IGHMBP2: variants seen among roughly 807,000 people sequenced by gnomAD.
IGHMBP2 encodes the protein immunoglobulin mu DNA binding protein 2.
Under a neutral mutation model 96.0 loss-of-function variants are expected in IGHMBP2, and 81 were observed. The ratio of observed to expected loss-of-function variants is 0.84; its 90% CI spans 0.71 to 1.01. The LOEUF (loss-of-function observed/expected upper bound fraction) is 1.01. Ranked by LOEUF, IGHMBP2 falls within the 50% of genes least tolerant of loss-of-function variation. The pLI, the probability that IGHMBP2 is intolerant of heterozygous loss-of-function variation, is 0.00. For synonymous variants in IGHMBP2, 557 were observed against 548.9 expected (o/e 1.01, Z -0.21); for missense variants, 1,227 against 1,306.3 (o/e 0.94, Z 0.94).
rs770746972 is a variant in IGHMBP2, at chr11:68,906,151, A to G, written c.169A>G (p.Thr57Ala). ...LLKLQVSSQR[T>A]GLYGRLLVTF... ...GAAGCTGCAGGTATCCAGCCAGCGC[A>G]CTGGGCTGTACGGACGGCTGCTGGT... The change falls in exon 2 of 15, where the codon ACT (threonine) becomes GCT (alanine). Residue 57 changes from threonine (T) to alanine (A), a missense_variant. This residue lies in a region of IGHMBP2 where 507 missense variants were observed against 496.9 expected (regional missense o/e 1.02). Coordinates refer to ENST00000255078, the MANE Select transcript of IGHMBP2 (RefSeq NM_002180.3). 1 of 1,614,170 alleles carries G rather than the reference A, an allele frequency of 6.2e-7. No individual in the cohort carries two copies. The highest frequency in any genetic ancestry group is 1.7e-5 in the Admixed American group (1 of 60,014).
At chr11:68,922,387 G>A (rs1215316004) in intron 7 of IGHMBP2, among the ~76,000 whole-genome samples, 2 of 151,920 alleles carry the variant, frequency 1.3e-5, no homozygotes, top group Admixed American at 1.3e-4. Context: ...GATTTGCCCT[G>A]GTGCTATTTG....
At chr11:68,910,737 G>T (rs1434440254) in intron 4 of IGHMBP2, among the ~76,000 whole-genome samples, 1 of 152,122 alleles carries the variant, frequency 6.6e-6, no homozygotes, top group Non-Finnish European at 1.5e-5. Context: ...CAAAAAATTA[G>T]CTGGGCATGG....
chr11:68,921,080 A>G (rs1192581621), intron 7 of IGHMBP2, among the ~76,000 whole-genome samples: 1 of 151,962 alleles, frequency 6.6e-6, no homozygotes, highest in African/African-American at 2.4e-5. Flanking sequence ...TAGATAGCAT[A>G]TAGCTGGGCC....
intron 2 of IGHMBP2, 150 bp downstream of exon 2, chr11:68,906,388 G>A: frequency 2.3e-6 from 2 of 868,538 alleles, no homozygotes; most frequent in Non-Finnish European, 3.7e-6. Context: ...AATTGATGTG[G>A]GTTTTAGTTG....
intron 7 of IGHMBP2, 28 bp from the exon 8 acceptor site, chr11:68,929,155 G>A (rs1359480760): frequency 6.2e-7 from 1 of 1,608,264 alleles, no homozygotes; most frequent in Non-Finnish European, 8.5e-7. Context: ...TGTGCCCCTG[G>A]AGACTCCCGG....
Position 68,908,315 on chromosome 11 carries a change from G to A in IGHMBP2, c.427G>A (p.Val143Ile). ...SYRLLKLAND[V>I]TYRRLKKALI... ...CAGACTGTTAAAACTTGCCAATGAT[G>A]TCACTTACAGGCGACTGAAAAAGTA... Residue 143 changes from valine (V) to isoleucine (I), a missense_variant, in exon 3 of 15, where the codon GTC becomes ATC. Val to Ile is a conservative substitution (Grantham distance 29). Around this residue, in one of 3 missense-constraint regions of IGHMBP2, gnomAD observed 507 missense variants for 496.9 expected, o/e 1.02. Coordinates refer to ENST00000255078, the MANE Select transcript of IGHMBP2 (RefSeq NM_002180.3). The A allele has an allele frequency of 6.2e-7, 1 of 1,614,068 alleles. No homozygotes were observed. Among genetic ancestry groups the A allele is most frequent in the African/African-American group, 1.3e-5 (1 of 75,008 alleles).
intron 2 of IGHMBP2, among the ~76,000 whole-genome samples, chr11:68,907,564 G>C (rs1221309857): frequency 1.3e-5 from 2 of 152,148 alleles, no homozygotes; most frequent in African/African-American, 4.8e-5. Context: ...CCTTGTTTTG[G>C]TGGTGACGGA....
At chr11:68,926,338 T>G (rs2154008075) in intron 7 of IGHMBP2, 1 of 144,916 alleles carries the variant, frequency 6.9e-6, no homozygotes, top group Admixed American at 7.1e-5. Flanking sequence ...TGGTGTGATC[T>G]CGGCCCACCG....
At position 68,933,723 on chromosome 11, in the gene IGHMBP2, C is replaced by G. The variant is rs990440434; in HGVS notation, c.1419-72C>G. The G allele has an allele frequency of 6.4e-6, 8 of 1,243,208 alleles. No individual in the cohort carries two copies. The African/African-American group carries it at 8.9e-5, about 14-fold the overall frequency. The allele number at this position is 1,243,208 out of a possible 1,614,324, so 77.0% of individuals were successfully genotyped here. ...TAAGCCTTTTCCTCGTGGGAGGGGT[C>G]GGTTCTGTTGGGTGGGGCCTCAGTG... On this transcript the variant is annotated intron_variant, in intron 9 of 14. Coordinates refer to ENST00000255078, the MANE Select transcript of IGHMBP2 (RefSeq NM_002180.3).
At chr11:68,904,796 T>A (rs936836953) in intron 1 of IGHMBP2, among the ~76,000 whole-genome samples, 1 of 115,910 alleles carries the variant, frequency 8.6e-6, no homozygotes, top group African/African-American at 3.2e-5. Flanking sequence ...TTCTTTTTTT[T>A]CTTTTTCTTT....
chr11:68,936,123 T>G (rs1594455189), intron 12 of IGHMBP2, 114 bp from the exon 13 acceptor site: 1 of 1,233,904 alleles, frequency 8.1e-7, no homozygotes. Flanking sequence ...GTGTGGATGG[T>G]GGGCCACGCG....
intron 7 of IGHMBP2, among the ~76,000 whole-genome samples, chr11:68,918,200 CT>C (rs1858743574): frequency 6.6e-6 from 1 of 151,962 alleles, no homozygotes; most frequent in Admixed American, 6.6e-5. Context: ...TGCCCTTATT[CT>C]TCTTTTACTG....
chr11:68,918,067 T>C (rs541061687), intron 7 of IGHMBP2, among the ~76,000 whole-genome samples, 184 bp downstream of exon 7: 6 of 152,334 alleles, frequency 3.9e-5, no homozygotes, highest in African/African-American at 1.4e-4. Flanking sequence ...AACTACAAAT[T>C]CAACTTCTTC....
rs1359502549 is a variant in IGHMBP2 at position 68,939,679 on chromosome 11, T to C, written c.2930T>C (p.Leu977Pro). 6.2e-7 allele frequency: 1 copy of C among 1,612,784 alleles called. No individual in the cohort carries two copies. The highest frequency in any genetic ancestry group is 1.1e-5 in the South Asian group (1 of 90,950). The change falls in exon 15 of 15, where the codon CTG becomes CCG. Residue 977 changes from leucine to proline, a missense_variant. Physicochemically the swap from Leu to Pro is moderately conservative, Grantham distance 98. Coordinates refer to ENST00000255078, the MANE Select transcript of IGHMBP2 (RefSeq NM_002180.3). Reference protein sequence around the residue: ...AQLQRRLDKKLSELSNQRTSR... With the variant: ...AQLQRRLDKKPSELSNQRTSR... ...CTGCAGAGGAGGCTGGATAAGAAGC[T>C]GAGTGAGCTCAGCAACCAGAGGACC...
intron 7 of IGHMBP2, among the ~76,000 whole-genome samples, chr11:68,918,954 A>G (rs1333735667): frequency 6.6e-6 from 1 of 151,742 alleles, no homozygotes; most frequent in South Asian, 2.1e-4. Flanking sequence ...AGAAGCTGAG[A>G]TCATTGATTT....
At chr11:68,910,417 A>G (rs1002655563) in intron 4 of IGHMBP2, among the ~76,000 whole-genome samples, 2 of 152,166 alleles carry the variant, frequency 1.3e-5, no homozygotes, top group African/African-American at 4.8e-5. Flanking sequence ...CTAGCTGCAC[A>G]CCCTGCCGTC....
chr11:68,931,924 GTT>G (rs1204081436), intron 8 of IGHMBP2, among the ~76,000 whole-genome samples: 1 of 150,364 alleles, frequency 6.7e-6, no homozygotes, highest in Non-Finnish European at 1.5e-5. Flanking sequence ...GAGTAGGATG[GTT>G]TTGGGGGAAG....
chr11:68,934,455 T>A lies in IGHMBP2; in HGVS notation c.1538-9T>A. On this transcript the variant is annotated splice_polypyrimidine_tract_variant and intron_variant, in intron 10 of 14. Coordinates refer to ENST00000255078, the MANE Select transcript of IGHMBP2 (RefSeq NM_002180.3). ...TTGTGCTGCTCACCCGTTCTTTCTT[T>A]CCCTCCAGGCGAAGTCCGCCTCGTC... The A allele has an allele frequency of 1.2e-6, 2 of 1,600,020 alleles. No homozygotes were observed. Among genetic ancestry groups the A allele is most frequent in the South Asian group, 2.3e-5 (2 of 88,740 alleles).
At chr11:68,912,275 G>T (rs1430199612) in intron 5 of IGHMBP2, among the ~76,000 whole-genome samples, 1 of 152,102 alleles carries the variant, frequency 6.6e-6, no homozygotes, top group African/African-American at 2.4e-5. Context: ...GGGATTATAG[G>T]CGTGCGCCAC....
Sources: allele counts gnomAD v4.1 joint callset (sites outside exome capture counted in the v4.1 genomes callset), GRCh38; gene constraint gnomAD v4.1.1; regional missense constraint gnomAD v4.1.1; transcripts MANE v1.5; gene names NCBI Gene and HGNC (gene_info 2026-07-23, HGNC 2026-07-21).